Variants in LAMP5 observed in about 807,000 individuals in gnomAD.
The protein encoded by LAMP5 is lysosome-associated membrane glycoprotein 5.
In LAMP5, 36 loss-of-function variants were observed where a neutral mutation model predicts 30.2. The observed-to-expected ratio is 1.19, with a 90% confidence interval of 0.91 to 1.57. The LOEUF (loss-of-function observed/expected upper bound fraction) is 1.57, where lower values mean the gene tolerates loss of function less well. Ranked by LOEUF, LAMP5 falls within the 40% of genes most tolerant of loss-of-function variation. The pLI is 0.00. For missense variants in LAMP5, 377 were observed against 354.9 expected, an observed-to-expected ratio of 1.06 and a Z score of -0.50; for synonymous variants, 149 against 134.6, an observed-to-expected ratio of 1.11 and a Z score of -0.74.
intron 5 of LAMP5, among the ~76,000 whole-genome samples, chr20:9,527,904 C>G (rs1191393413): frequency 6.6e-6 from 1 of 152,134 alleles, no homozygotes. Context: ...TGTTCTTGAT[C>G]TAGATGCTGG....
rs1320514937 is a variant in LAMP5, at chr20:9,518,423, C to G, written c.664+195C>G. On this transcript the variant is annotated intron_variant, in intron 5 of 5. Coordinates refer to ENST00000246070, the MANE Select transcript of LAMP5 (RefSeq NM_012261.4). ...TATGAACTTATCTCAGTAGTTCTTTCTTTCTCCCTCCCAGCCTCCTCCCCG... is the reference window on the plus strand; with the variant it reads ...TATGAACTTATCTCAGTAGTTCTTTGTTTCTCCCTCCCAGCCTCCTCCCCG... 3.3e-5 allele frequency among the ~76,000 whole-genome samples: 5 copies of G among 152,198 alleles called. No homozygotes were observed. In the South Asian group the frequency reaches 1.0e-3, roughly 32 times the overall value.
At position 9,515,582 on chromosome 20, in the gene LAMP5, A is replaced by G; in HGVS notation, c.194A>G (p.Lys65Arg). 6.2e-7 allele frequency: 1 copy of G among 1,614,142 alleles called. No homozygotes were observed. Among genetic ancestry groups the G allele is most frequent in the Non-Finnish European group, 8.5e-7 (1 of 1,180,024 alleles). The change falls in exon 2 of 6, where the codon AAA (lysine) becomes AGA (arginine). Residue 65 changes from lysine to arginine, a missense_variant. Transcript: ENST00000246070. ...TGTCTCATGGCAGAGTTTGCAGCCA[A>G]ATTTATTGTACCTTATGATGTGTGG... The part of the protein sequence containing the change: ...TTCLMAEFAA[K>R]FIVPYDVWAS...
chr20:9,526,025 G>T (rs2045110015), intron 5 of LAMP5, among the ~76,000 whole-genome samples: 1 of 152,202 alleles, frequency 6.6e-6, no homozygotes, highest in Non-Finnish European at 1.5e-5. Context: ...CTATGAAATT[G>T]CTCTGCAGGG....
intron 5 of LAMP5, among the ~76,000 whole-genome samples, chr20:9,528,500 C>T (rs1227746488): frequency 2.0e-5 from 3 of 152,096 alleles, no homozygotes; most frequent in Non-Finnish European, 4.4e-5. Flanking sequence ...ACATTGTTTA[C>T]ACATAGAAAT....
chr20:9,528,100 C>T (rs1302296015), intron 5 of LAMP5, among the ~76,000 whole-genome samples: 2 of 152,146 alleles, frequency 1.3e-5, no homozygotes, highest in Non-Finnish European at 2.9e-5. Flanking sequence ...GGTGCATATA[C>T]ATAATTGAAT....
chr20:9,514,886 G>T lies in LAMP5; in HGVS notation c.34G>T (p.Asp12Tyr), dbSNP rs747169778. ...DLQGRGVPSI[D>Y]RLRVLLMLFH... Reference sequence around the variant, plus strand: ...CCAAGGAAGAGGGGTCCCCAGCATCGACAGACTTCGAGTTCTCCTGATGTT... The same window carrying T: ...CCAAGGAAGAGGGGTCCCCAGCATCTACAGACTTCGAGTTCTCCTGATGTT... The change falls in exon 1 of 6, where the codon GAC becomes TAC. Residue 12 changes from aspartate (D) to tyrosine (Y), a missense_variant. Coordinates refer to ENST00000246070, the MANE Select transcript of LAMP5 (RefSeq NM_012261.4). The T allele has an allele frequency of 1.2e-6, 2 of 1,614,166 alleles. No homozygotes were observed. The highest frequency in any genetic ancestry group is 1.7e-6 in the Non-Finnish European group (2 of 1,180,022).
At chr20:9,527,068 C>A (rs956489800) in intron 5 of LAMP5, among the ~76,000 whole-genome samples, 1 of 151,798 alleles carries the variant, frequency 6.6e-6, no homozygotes, top group East Asian at 1.9e-4. Flanking sequence ...TAATAAGTAT[C>A]CAGCTCATTG....
At chr20:9,521,780 G>A (rs974027216) in intron 5 of LAMP5, among the ~76,000 whole-genome samples, 3 of 152,336 alleles carry the variant, frequency 2.0e-5, no homozygotes, top group African/African-American at 7.2e-5. Flanking sequence ...ACCAGTCTGA[G>A]TATTCTAATA....
chr20:9,524,548 C>T (rs1214919015), intron 5 of LAMP5, among the ~76,000 whole-genome samples: 7 of 144,634 alleles, frequency 4.8e-5, no homozygotes, highest in Non-Finnish European at 9.0e-5. Flanking sequence ...AAAAGCGTGC[C>T]CTGCTTTTAT....
At chr20:9,529,551 T>G in intron 5 of LAMP5, 91 bp from the exon 6 acceptor site, 1 of 1,339,222 alleles carries the variant, frequency 7.5e-7, no homozygotes, top group Non-Finnish European at 1.0e-6. Context: ...TTGAGAAATC[T>G]TTTTACCTCC....
In LAMP5 at chr20:9,518,125, C is replaced by T. The variant is rs774595518; in HGVS notation, c.561C>T (p.Thr187=). Residue 187 remains threonine (T), a synonymous_variant, in exon 5 of 6, where the codon ACC becomes ACT. Coordinates refer to ENST00000246070, the MANE Select transcript of LAMP5 (RefSeq NM_012261.4). ...CCTATGAGTGTCAAGCTCAACAAAC[C>T]ATTTCACTGGCCTCTAGTGATCCGC... The part of the protein sequence containing the change: ...GKSYECQAQQ[T]ISLASSDPQK... 6.2e-7 allele frequency: 1 copy of T among 1,614,190 alleles called. No individual in the cohort carries two copies. The highest frequency in any genetic ancestry group is 1.7e-5 in the Admixed American group (1 of 60,018).
rs2045024006 is a variant in LAMP5 at position 9,514,917 on chromosome 20, G to A, written c.64+1G>A. 6.2e-7 allele frequency: 1 copy of A among 1,614,028 alleles called. No individual in the cohort carries two copies. Among genetic ancestry groups the A allele is most frequent in the South Asian group, 1.1e-5 (1 of 91,070 alleles). Reference sequence around the variant, plus strand: ...CTTCGAGTTCTCCTGATGTTGTTCCGTGAGTAGCGATTTGGCGACTGGGAG... The same window carrying A: ...CTTCGAGTTCTCCTGATGTTGTTCCATGAGTAGCGATTTGGCGACTGGGAG... On this transcript the variant is annotated splice_donor_variant, in intron 1 of 5. Coordinates refer to ENST00000246070, the MANE Select transcript of LAMP5 (RefSeq NM_012261.4). LOFTEE classifies it high-confidence loss of function.
intron 5 of LAMP5, among the ~76,000 whole-genome samples, chr20:9,525,361 G>A (rs1187383680): frequency 6.6e-6 from 1 of 152,186 alleles, no homozygotes; most frequent in African/African-American, 2.4e-5. Context: ...GCCAGGCACT[G>A]TGCTTGGCCT....
chr20:9,528,988 C>T (rs1030370794), intron 5 of LAMP5, among the ~76,000 whole-genome samples: 1 of 152,194 alleles, frequency 6.6e-6, no homozygotes. Context: ...CACAATTTAT[C>T]CATTCCATTT....
chr20:9,516,474 A>C, intron 4 of LAMP5, 113 bp downstream of exon 4: 1 of 879,848 alleles, frequency 1.1e-6, no homozygotes, highest in Non-Finnish European at 1.8e-6. Flanking sequence ...GTCCCAGGCC[A>C]AGTCTTCCCT....
rs571568578 is a variant in LAMP5 at position 9,518,087 on chromosome 20, C to A, written c.523C>A (p.Pro175Thr). The change falls in exon 5 of 6, where the codon CCC becomes ACC. Residue 175 changes from proline (P) to threonine (T), a missense_variant. By Grantham distance (38) the Pro-to-Thr change is conservative. Transcript: ENST00000246070. ...GCACCACCTCTCTGCCTTGGTCACCCCCGCTGGGAAGTCCTATGAGTGTCA... is the reference window on the plus strand; with the variant it reads ...GCACCACCTCTCTGCCTTGGTCACCACCGCTGGGAAGTCCTATGAGTGTCA... ...NSHHLSALVT[P>T]AGKSYECQAQ... The A allele has an allele frequency of 3.1e-6, 5 of 1,614,158 alleles. 1 individual carries two copies. The South Asian group carries it at 3.3e-5, about 11-fold the overall frequency.
intron 5 of LAMP5, among the ~76,000 whole-genome samples, chr20:9,524,680 G>A (rs1431477964): frequency 2.0e-5 from 3 of 149,444 alleles, no homozygotes; most frequent in African/African-American, 7.4e-5. Context: ...ACTTTAGGAA[G>A]ACTATACAGT....
At chr20:9,518,371 A>T (rs1358137496) in intron 5 of LAMP5, 143 bp downstream of exon 5, 2 of 678,160 alleles carry the variant, frequency 2.9e-6, no homozygotes, top group Non-Finnish European at 4.9e-6. Flanking sequence ...ATAATTTTCA[A>T]AGACTAAAAA....
At chr20:9,515,017 C>G in intron 1 of LAMP5, 101 bp downstream of exon 1, 1 of 1,103,560 alleles carries the variant, frequency 9.1e-7, no homozygotes, top group Non-Finnish European at 1.4e-6. Flanking sequence ...AAATATGGCC[C>G]TTAATGTTTT....
Sources: allele counts gnomAD v4.1 joint callset (sites outside exome capture counted in the v4.1 genomes callset), GRCh38; gene constraint gnomAD v4.1.1; transcripts MANE v1.5; gene names NCBI Gene and HGNC (gene_info 2026-07-23, HGNC 2026-07-21).